Variants in SHISA5 observed in about 807,000 individuals in gnomAD.
SHISA5 encodes the protein shisa family member 5.
In SHISA5, 21 loss-of-function variants were observed where a neutral mutation model predicts 27.5. The observed-to-expected ratio is 0.76, with a 90% CI of 0.54 to 1.10. The LOEUF is 1.10. Among genes scored for constraint, SHISA5 ranks in the 50% least tolerant of loss-of-function variants. The pLI, the probability that SHISA5 is intolerant of heterozygous loss-of-function variation, is 0.00. For missense variants in SHISA5, 314 were observed against 336.3 expected, an observed-to-expected ratio of 0.93 and a Z score of 0.52; for synonymous variants, 137 against 142.2, an observed-to-expected ratio of 0.96 and a Z score of 0.26.
At chr3:48,474,017 A>G (rs998196174) in intron 3 of SHISA5, among the ~76,000 whole-genome samples, 55 of 151,906 alleles carry the variant, frequency 3.6e-4, no homozygotes, top group African/African-American at 8.2e-4. Context: ...AAAAAAAAAA[A>G]AAGAAGAGGA....
rs1311962170 is a variant in SHISA5 at position 48,496,122 on chromosome 3, TA to T, written c.233+5014del. ...CAACATGGTGAAACCCCATCTCTGCTAAAAAAAAAAAATGCAAAGATTAGCT... is the reference window on the plus strand; with the variant it reads ...CAACATGGTGAAACCCCATCTCTGCTAAAAAAAAAAATGCAAAGATTAGCT... On this transcript the variant is annotated intron_variant, in intron 2 of 5. Coordinates refer to ENST00000296444, the MANE Select transcript of SHISA5 (RefSeq NM_016479.6). Among the ~76,000 whole-genome samples the T allele has an allele frequency of 1.1e-3, 132 of 123,908 alleles. 1 individual carries two copies. The highest frequency in any genetic ancestry group is 1.3e-3 in the Admixed American group (16 of 12,664). 81.3% of individuals were successfully genotyped at this position (123,908 alleles called of 152,430 possible). A position where few individuals can be genotyped will look rare whatever the true frequency, so the allele number is the denominator to read the frequency against.
In SHISA5 at chr3:48,469,562, T is replaced by G. The variant is rs200818971; in HGVS notation, c.442A>C (p.Thr148Pro). ...TGCACCACAGTGGTGGATGTGGTGGTGGTGACAACCGCTGCAAAGAGAATT... is the reference window on the plus strand; with the variant it reads ...TGCACCACAGTGGTGGATGTGGTGGGGGTGACAACCGCTGCAAAGAGAATT... The part of the protein sequence containing the change: ...TCRRPRPVVT[T>P]TTSTTVVHAP... The change falls in exon 5 of 6, where the codon ACC becomes CCC. Residue 148 changes from threonine to proline, a missense_variant. Coordinates refer to ENST00000296444, the MANE Select transcript of SHISA5 (RefSeq NM_016479.6). This position sits in a 1 kb window ranked among gnomAD's most constrained non-coding sequence, Gnocchi z 4.6. 1 of 1,607,516 alleles carries G rather than the reference T, an allele frequency of 6.2e-7. No individual in the cohort carries two copies. The highest frequency in any genetic ancestry group is 1.1e-5 in the South Asian group (1 of 90,532).
At chr3:48,472,517 GT>G (rs981941863) in intron 3 of SHISA5, among the ~76,000 whole-genome samples, 3 of 151,982 alleles carry the variant, frequency 2.0e-5, no homozygotes, top group African/African-American at 7.2e-5. Flanking sequence ...AAAATAATAA[GT>G]TTTTTTTAAA....
Position 48,468,272 on chromosome 3 carries a change from A to T in SHISA5, c.*835T>A. On this transcript the variant is annotated 3_prime_UTR_variant, in exon 6 of 6. Coordinates refer to ENST00000296444, the MANE Select transcript of SHISA5 (RefSeq NM_016479.6). ...AATGTTTGGCTAAAATAAAATGAAA[A>T]CACTGCAGGGAAGAGAACTGAGTGT... 1.0e-6 allele frequency: 1 copy of T among 1,001,278 alleles called. No individual in the cohort carries two copies. Among genetic ancestry groups the T allele is most frequent in the Non-Finnish European group, 1.2e-6 (1 of 839,028 alleles). 62.0% of individuals were successfully genotyped at this position (1,001,278 alleles called of 1,614,324 possible). A position where few individuals can be genotyped will look rare whatever the true frequency, so the allele number is the denominator to read the frequency against.
chr3:48,480,788 G>A (rs1198376104), intron 2 of SHISA5, among the ~76,000 whole-genome samples: 3 of 151,964 alleles, frequency 2.0e-5, no homozygotes, highest in Non-Finnish European at 4.4e-5. Context: ...TCAGAAAACA[G>A]GAATGGTTAA....
rs1323190266 is a variant in SHISA5, at chr3:48,473,043, C to G, written c.315-3200G>C. On this transcript the variant is annotated intron_variant, in intron 3 of 5. Coordinates refer to ENST00000296444, the MANE Select transcript of SHISA5 (RefSeq NM_016479.6). This position sits in a 1 kb window ranked among gnomAD's most constrained non-coding sequence, Gnocchi z 4.3. The stretch of plus-strand genomic sequence containing the variant: ...AGCCTCTGCCTTCACCCAGAGGCCT[C>G]CTGTACCCCTGGGCTTTCCCCTCTT... 3 of 1,534,938 alleles carry G rather than the reference C, an allele frequency of 2.0e-6. No individual in the cohort carries two copies. The highest frequency in any genetic ancestry group is 1.4e-5 in the African/African-American group (1 of 72,340).
At chr3:48,480,118 T>C (rs980940965) in intron 2 of SHISA5, among the ~76,000 whole-genome samples, 1 of 151,376 alleles carries the variant, frequency 6.6e-6, no homozygotes, top group African/African-American at 2.4e-5. Context: ...TTAGCCAGGA[T>C]GGTCTCGATC....
At chr3:48,499,279 A>G (rs2041679162) in intron 2 of SHISA5, among the ~76,000 whole-genome samples, 1 of 152,024 alleles carries the variant, frequency 6.6e-6, no homozygotes, top group African/African-American at 2.4e-5. Flanking sequence ...GGTTCAAGTG[A>G]TCCTCCTACC....
chr3:48,479,032 G>A (rs2040914226), intron 3 of SHISA5, 145 bp downstream of exon 3: 1 of 704,030 alleles, frequency 1.4e-6, no homozygotes, highest in Admixed American at 2.4e-5. Flanking sequence ...AGGAGCAAGT[G>A]TCCTAGTGGT....
chr3:48,484,815 C>T (rs1443222144), intron 2 of SHISA5, among the ~76,000 whole-genome samples: 1 of 152,002 alleles, frequency 6.6e-6, no homozygotes, highest in African/African-American at 2.4e-5. Context: ...ATCGCTTGAA[C>T]CCAGAAGGCA....
intron 2 of SHISA5, among the ~76,000 whole-genome samples, chr3:48,488,747 CA>C (rs1356043077): frequency 6.7e-6 from 1 of 149,748 alleles, no homozygotes; most frequent in Non-Finnish European, 1.5e-5. Context: ...GCAGCAGAAT[CA>C]CTTGAACCCG....
intron 2 of SHISA5, among the ~76,000 whole-genome samples, chr3:48,493,838 C>A (rs2041489312): frequency 6.8e-6 from 1 of 147,112 alleles, no homozygotes; most frequent in African/African-American, 2.7e-5. Flanking sequence ...CATCCGATTT[C>A]TTTTTTAACT....
chr3:48,482,910 G>A (rs2041069372), intron 2 of SHISA5, among the ~76,000 whole-genome samples: 1 of 151,600 alleles, frequency 6.6e-6, no homozygotes, highest in Non-Finnish European at 1.5e-5. Context: ...TAGGATTACA[G>A]GTGTGAGCCA....
intron 2 of SHISA5, among the ~76,000 whole-genome samples, chr3:48,483,486 T>C (rs1176831800): frequency 6.6e-6 from 1 of 152,180 alleles, no homozygotes; most frequent in African/African-American, 2.4e-5. Flanking sequence ...CCATGTCTAC[T>C]TCTTTCTACA....
intron 2 of SHISA5, among the ~76,000 whole-genome samples, chr3:48,483,787 C>A (rs2041109416): frequency 1.3e-5 from 2 of 150,426 alleles, no homozygotes; most frequent in Admixed American, 6.6e-5. Flanking sequence ...CACCTCCCTC[C>A]CGGACGGGGC....
intron 2 of SHISA5, among the ~76,000 whole-genome samples, chr3:48,487,438 G>A (rs1277896306): frequency 1.3e-5 from 2 of 152,058 alleles, no homozygotes; most frequent in Non-Finnish European, 2.9e-5. Flanking sequence ...CAGTTTGTAT[G>A]TTTTACAGTT....
At chr3:48,476,341 CAAA>C (rs1250491645) in intron 3 of SHISA5, among the ~76,000 whole-genome samples, 5 of 62,330 alleles carry the variant, frequency 8.0e-5, no homozygotes, top group Admixed American at 1.9e-4. Flanking sequence ...AACTCCATCT[CAAA>C]AAAAAAAAAA....
intron 2 of SHISA5, among the ~76,000 whole-genome samples, chr3:48,500,182 T>C (rs1241899832): frequency 6.6e-6 from 1 of 152,190 alleles, no homozygotes; most frequent in African/African-American, 2.4e-5. Flanking sequence ...AAGGGCCAGA[T>C]GTGCCACAGC....
At chr3:48,477,048 G>A in intron 3 of SHISA5, 1 of 450,628 alleles carries the variant, frequency 2.2e-6, no homozygotes, top group South Asian at 1.6e-5. Context: ...GCCCCTCTGG[G>A]AGCTTGTTCC....
Sources: allele counts gnomAD v4.1 joint callset (sites outside exome capture counted in the v4.1 genomes callset), GRCh38; gene constraint gnomAD v4.1.1; non-coding constraint Gnocchi (gnomAD v3.1); transcripts MANE v1.5; gene names NCBI Gene and HGNC (gene_info 2026-07-23, HGNC 2026-07-21).